The following CDKL4 variants were observed in gnomAD, a reference collection of about 807,000 sequenced individuals.
CDKL4 encodes the protein cyclin dependent kinase like 4.
Under a neutral mutation model 42.0 loss-of-function variants are expected in CDKL4, and 44 were observed. The observed-to-expected ratio is 1.05, with a 90% confidence interval of 0.82 to 1.35. The LOEUF is 1.35. CDKL4 is among the 40% of genes most tolerant of loss of function. CDKL4 has a pLI of 0.00. For synonymous variants in CDKL4, 120 were observed against 121.6 expected (o/e 0.99, Z 0.09); for missense variants, 393 against 369.9 (o/e 1.06, Z -0.51).
intron 7 of CDKL4, 73 bp from the exon 8 acceptor site, chr2:39,184,720 G>GTA (rs1365887272): frequency 2.1e-6 from 2 of 940,952 alleles, no homozygotes; most frequent in South Asian, 1.4e-5. Context: ...ATGTGCGTAT[G>GTA]TATGTGTGTG....
chr2:39,178,566 T>A (rs1675262660), intron 9 of CDKL4: 2 of 1,551,142 alleles, frequency 1.3e-6, no homozygotes, highest in Non-Finnish European at 1.7e-6. Context: ...AACTTCAAAG[T>A]TTTCTGAAAG....
chr2:39,178,953 C>T (rs540841850), intron 9 of CDKL4: 150 of 1,441,296 alleles, frequency 1.0e-4, no homozygotes, highest in South Asian at 2.2e-4. Flanking sequence ...CAAAGAGTTG[C>T]GTAACGATTT....
At chr2:39,188,477 G>A (rs912363006) in intron 6 of CDKL4, among the ~76,000 whole-genome samples, 2 of 138,170 alleles carry the variant, frequency 1.4e-5, no homozygotes, top group Admixed American at 8.1e-5. Context: ...CAGGAGAATC[G>A]CTTGAATTTG....
chr2:39,222,041 T>C (rs181470479), intron 3 of CDKL4, among the ~76,000 whole-genome samples: 47 of 152,314 alleles, frequency 3.1e-4, no homozygotes, highest in Non-Finnish European at 5.6e-4. Context: ...TGTAAAATGC[T>C]CCATGAAATA....
intron 4 of CDKL4, among the ~76,000 whole-genome samples, chr2:39,208,525 T>C (rs1000616302): frequency 1.3e-5 from 2 of 152,006 alleles, no homozygotes; most frequent in Non-Finnish European, 2.9e-5. Context: ...TATTTTTTAG[T>C]AGACATGGGG....
intron 4 of CDKL4, among the ~76,000 whole-genome samples, chr2:39,207,075 C>G (rs1422554160): frequency 6.6e-6 from 1 of 152,028 alleles, no homozygotes; most frequent in Admixed American, 6.6e-5. Context: ...AGTACTAAGG[C>G]CTTAGACACT....
intron 8 of CDKL4, among the ~76,000 whole-genome samples, chr2:39,180,882 G>A (rs1001217892): frequency 5.3e-5 from 8 of 151,972 alleles, no homozygotes; most frequent in African/African-American, 1.7e-4. Flanking sequence ...GTAGAGACAG[G>A]TTCACCATGT....
At chr2:39,220,329 G>A (rs1310327749) in intron 3 of CDKL4, among the ~76,000 whole-genome samples, 1 of 152,078 alleles carries the variant, frequency 6.6e-6, no homozygotes, top group Non-Finnish European at 1.5e-5. Flanking sequence ...CTCTCTTCAA[G>A]CCTCCTCTCC....
intron 9 of CDKL4, chr2:39,178,909 C>T (rs993335087): frequency 2.3e-5 from 34 of 1,451,710 alleles, no homozygotes; most frequent in Admixed American, 2.8e-5. Context: ...TATGGGTATA[C>T]GATCTTGTGG....
intron 8 of CDKL4, 43 bp from the exon 9 acceptor site, chr2:39,179,364 C>T (rs776059155): frequency 1.4e-6 from 2 of 1,481,440 alleles, no homozygotes; most frequent in Non-Finnish European, 1.8e-6. Flanking sequence ...AAGGGAGGGG[C>T]TCATTTTGTT....
downstream of CDKL4, among the ~76,000 whole-genome samples, chr2:39,173,524 C>A (rs1192921902): frequency 6.6e-6 from 1 of 151,870 alleles, no homozygotes; most frequent in East Asian, 1.9e-4. Flanking sequence ...AAAAAATTAG[C>A]TGGAGCCGGG....
In CDKL4 at chr2:39,203,727, G is replaced by A. The variant is rs182571932; in HGVS notation, c.454+800C>T. On this transcript the variant is annotated intron_variant, in intron 5 of 9. Transcript: ENST00000451199. ...CTGATGCACCATGGTACTATGTGCC[G>A]CGTTTGTAACTCGATAGTTTTCCAG... Among the ~76,000 whole-genome samples, 64 of 152,228 alleles carry A rather than the reference G, an allele frequency of 4.2e-4. No individual in the cohort carries two copies. The East Asian group carries it at 6.7e-3, about 16-fold the overall frequency.
chr2:39,220,420 G>A (rs1678232568), intron 3 of CDKL4, among the ~76,000 whole-genome samples: 1 of 152,172 alleles, frequency 6.6e-6, no homozygotes, highest in Admixed American at 6.6e-5. Flanking sequence ...AAGTGAAACA[G>A]AGGAAGAGGA....
intron 8 of CDKL4, among the ~76,000 whole-genome samples, chr2:39,179,720 G>A (rs1286940768): frequency 6.6e-6 from 1 of 152,184 alleles, no homozygotes; most frequent in East Asian, 1.9e-4. Context: ...AAAGGGAATC[G>A]AGGCACTGGA....
intron 1 of CDKL4, among the ~76,000 whole-genome samples, chr2:39,235,137 C>A (rs1285429557): frequency 6.6e-6 from 1 of 152,068 alleles, no homozygotes; most frequent in African/African-American, 2.4e-5. Context: ...CTTGGCCTCC[C>A]AAAATGTTGG....
chr2:39,242,791 C>G (rs1004866564), intron 1 of CDKL4, among the ~76,000 whole-genome samples: 1 of 151,992 alleles, frequency 6.6e-6, no homozygotes, highest in Non-Finnish European at 1.5e-5. Flanking sequence ...CTCATGTAAA[C>G]AGTGGCATTA....
chr2:39,221,758 G>A (rs1678387991), intron 3 of CDKL4, among the ~76,000 whole-genome samples: 1 of 152,180 alleles, frequency 6.6e-6, no homozygotes, highest in African/African-American at 2.4e-5. Flanking sequence ...AACATGCCTT[G>A]CTCTTTCTTG....
At chr2:39,217,289 C>T (rs1362409504) in intron 3 of CDKL4, among the ~76,000 whole-genome samples, 2 of 152,114 alleles carry the variant, frequency 1.3e-5, no homozygotes, top group Non-Finnish European at 1.5e-5. Context: ...TACTAAAAGT[C>T]GTAATGAAGG....
chr2:39,180,495 G>C (rs1490425057), intron 8 of CDKL4, among the ~76,000 whole-genome samples: 1 of 150,958 alleles, frequency 6.6e-6, no homozygotes, highest in African/African-American at 2.5e-5. Flanking sequence ...CGAGGGATCT[G>C]ATTAGTCCTG....
Sources: allele counts gnomAD v4.1 joint callset (sites outside exome capture counted in the v4.1 genomes callset), GRCh38; gene constraint gnomAD v4.1.1; transcripts MANE v1.5; gene names NCBI Gene and HGNC (gene_info 2026-07-23, HGNC 2026-07-21).